Variants in PDE11A observed in about 807,000 individuals in gnomAD.
The protein encoded by PDE11A is phosphodiesterase 11A.
PDE11A carries 100 observed loss-of-function variants against 100.5 expected under a neutral mutation model. That is an observed-to-expected ratio of 1.00 (90% confidence interval 0.85 to 1.18). PDE11A has a LOEUF of 1.18. Among genes scored for constraint, PDE11A ranks in the 50% most tolerant of loss-of-function variants. The probability of loss-of-function intolerance (pLI) is 0.00; values close to 1 mark genes in which losing one functional copy is unlikely to be tolerated. For missense variants in PDE11A, 1,141 were observed against 1,152.6 expected, an observed-to-expected ratio of 0.99 and a Z score of 0.15; for synonymous variants, 381 against 420.8, an observed-to-expected ratio of 0.91 and a Z score of 1.16.
At chr2:178,006,348 G>A (rs1012127766) in intron 2 of PDE11A, among the ~76,000 whole-genome samples, 2 of 152,196 alleles carry the variant, frequency 1.3e-5, no homozygotes, top group Non-Finnish European at 2.9e-5. Context: ...AGGTGGAAAT[G>A]AGAATTCCAT....
chr2:177,788,380 T>C (rs1379214272), intron 9 of PDE11A, among the ~76,000 whole-genome samples: 2 of 148,172 alleles, frequency 1.3e-5, no homozygotes, highest in African/African-American at 5.0e-5. Flanking sequence ...CTGGGACGCA[T>C]TCAAAGCAGT....
chr2:177,866,896 G>C (rs1021365901), intron 5 of PDE11A, among the ~76,000 whole-genome samples: 1 of 152,234 alleles, frequency 6.6e-6, no homozygotes, highest in South Asian at 2.1e-4. Context: ...ATCAGACAAG[G>C]CCTGTAAGTC....
upstream of PDE11A, among the ~76,000 whole-genome samples, chr2:178,073,951 G>A (rs2087171248): frequency 6.6e-6 from 1 of 151,504 alleles, no homozygotes; most frequent in African/African-American, 2.4e-5. Flanking sequence ...AAACATTTAC[G>A]GATATGCAGT....
At chr2:177,829,144 A>C (rs1220386601) in intron 6 of PDE11A, among the ~76,000 whole-genome samples, 1 of 152,078 alleles carries the variant, frequency 6.6e-6, no homozygotes, top group Non-Finnish European at 1.5e-5. Flanking sequence ...AAGCATCCTG[A>C]AGGATTGTGT....
intron 9 of PDE11A, among the ~76,000 whole-genome samples, chr2:177,813,644 A>G (rs1018426159): frequency 2.6e-5 from 4 of 152,262 alleles, no homozygotes; most frequent in South Asian, 2.1e-4. Context: ...GGATTTTTAA[A>G]AGACAGAAGA....
At chr2:177,853,816 G>GTA (rs1294461248) in intron 5 of PDE11A, among the ~76,000 whole-genome samples, 1 of 136,928 alleles carries the variant, frequency 7.3e-6, no homozygotes, top group Non-Finnish European at 1.6e-5. Context: ...GTGCATATAT[G>GTA]TATATATATG....
chr2:177,981,584 C>G (rs960180930), intron 2 of PDE11A, among the ~76,000 whole-genome samples: 3 of 150,686 alleles, frequency 2.0e-5, no homozygotes, highest in Non-Finnish European at 4.5e-5. Context: ...GGATTAGGGT[C>G]TACCCTAATG....
In PDE11A at chr2:177,675,785, A is replaced by G. The variant is rs764241959; in HGVS notation, c.2424-267T>C. The G allele has an allele frequency of 6.9e-4, 417 of 600,670 alleles. 3 individuals are homozygous for G. Among genetic ancestry groups the G allele is most frequent in the Non-Finnish European group, 1.2e-3 (366 of 316,490 alleles). 37.2% of individuals were successfully genotyped at this position (600,670 alleles called of 1,614,324 possible). The stretch of plus-strand genomic sequence containing the variant: ...AGCAAATCAAGGAAAGCAAAGCACT[A>G]CTTTCTGTACACCTGAGCTAAGCAA... On this transcript the variant is annotated intron_variant, in intron 16 of 19. Coordinates refer to ENST00000286063, the MANE Select transcript of PDE11A (RefSeq NM_016953.4).
In PDE11A at chr2:178,026,489, C is replaced by T. The variant is rs1474747111; in HGVS notation, c.913-12029G>A. 2.6e-5 allele frequency among the ~76,000 whole-genome samples: 4 copies of T among 151,808 alleles called. No individual in the cohort carries two copies. The South Asian group carries it at 6.2e-4, about 24-fold the overall frequency. ...CAGCCTGGCCAACATGGTGAAACCC[C>T]GTCTTTACTAAAAATACAAAAATTA... On this transcript the variant is annotated intron_variant, in intron 1 of 19. Coordinates refer to ENST00000286063, the MANE Select transcript of PDE11A (RefSeq NM_016953.4).
intron 14 of PDE11A, among the ~76,000 whole-genome samples, chr2:177,700,490 CAGTT>C (rs935810902): frequency 2.0e-5 from 3 of 151,782 alleles, no homozygotes; most frequent in African/African-American, 7.3e-5. Context: ...CAGCCAGACT[CAGTT>C]AGTGGTTTCT....
chr2:178,048,694 G>A (rs977334637), intron 1 of PDE11A, among the ~76,000 whole-genome samples: 1 of 152,190 alleles, frequency 6.6e-6, no homozygotes, highest in South Asian at 2.1e-4. Flanking sequence ...TGGGCATCCA[G>A]CATTTTCTGT....
chr2:177,680,431 G>T (rs576141746), intron 16 of PDE11A, among the ~76,000 whole-genome samples: 1 of 152,036 alleles, frequency 6.6e-6, no homozygotes, highest in African/African-American at 2.4e-5. Context: ...TTTTCTATCC[G>T]CAATGCCTAT....
intron 1 of PDE11A, among the ~76,000 whole-genome samples, chr2:178,064,062 T>C (rs968281896): frequency 2.6e-5 from 4 of 152,314 alleles, no homozygotes; most frequent in African/African-American, 9.6e-5. Flanking sequence ...ATGATTAGAT[T>C]TGATGATTAG....
intron 9 of PDE11A, among the ~76,000 whole-genome samples, chr2:177,815,651 C>T (rs2083026051): frequency 6.6e-6 from 1 of 152,074 alleles, no homozygotes; most frequent in Non-Finnish European, 1.5e-5. Context: ...AATAAAAATC[C>T]CTGTGCTTCT....
chr2:178,105,400 A>C (rs2087606283), intron 1 of PDE11A, among the ~76,000 whole-genome samples: 1 of 152,334 alleles, frequency 6.6e-6, no homozygotes, highest in Non-Finnish European at 1.5e-5. Flanking sequence ...CGGAGGTTGC[A>C]GTAAGCTGAG....
chr2:177,722,890 A>G (rs1445672578), intron 12 of PDE11A, among the ~76,000 whole-genome samples: 1 of 152,174 alleles, frequency 6.6e-6, no homozygotes, highest in Non-Finnish European at 1.5e-5. Context: ...CAATGTAAAA[A>G]TGATGTTTGA....
intron 10 of PDE11A, among the ~76,000 whole-genome samples, chr2:177,759,173 GCACA>G (rs10541503): frequency 1.0e-3 from 153 of 147,438 alleles, no homozygotes; most frequent in East Asian, 2.4e-3. Flanking sequence ...TGGAGCACGT[GCACA>G]CACACACACA....
At chr2:177,777,061 G>T (rs1334793639) in intron 9 of PDE11A, among the ~76,000 whole-genome samples, 1 of 152,090 alleles carries the variant, frequency 6.6e-6, no homozygotes, top group East Asian at 1.9e-4. Context: ...TCTGCTGATT[G>T]TAAGTTTCCT....
chr2:178,100,014 C>T (rs1010982618), intron 2 of PDE11A, among the ~76,000 whole-genome samples: 2 of 152,112 alleles, frequency 1.3e-5, no homozygotes, highest in African/African-American at 2.4e-5. Flanking sequence ...CACAAAAGGA[C>T]CAATACTGTA....
Sources: gnomAD v4.1 joint callset for allele counts (sites outside exome capture counted in the v4.1 genomes callset) on GRCh38, gnomAD v4.1.1 for gene constraint, MANE v1.5 for transcripts, NCBI Gene and HGNC (gene_info 2026-07-23, HGNC 2026-07-21) for gene names.